FAM241A: variants seen among roughly 807,000 people sequenced by gnomAD.
FAM241A encodes family with sequence similarity 241 member A.
FAM241A carries 7 observed loss-of-function variants against 12.2 expected under a neutral mutation model. That is an observed-to-expected ratio of 0.58 (90% confidence interval 0.33 to 1.08). The LOEUF (loss-of-function observed/expected upper bound fraction) is 1.08. Ranked by LOEUF, FAM241A falls within the 50% of genes least tolerant of loss-of-function variation. The pLI is 0.04. For missense variants in FAM241A, 161 were observed against 169.7 expected (o/e 0.95, Z 0.29); for synonymous variants, 74 against 68.2 (o/e 1.08, Z -0.42).
At chr4:112,150,842 G>T (rs2110419172) in intron 1 of FAM241A, among the ~76,000 whole-genome samples, 1 of 152,274 alleles carries the variant, frequency 6.6e-6, no homozygotes, top group South Asian at 2.1e-4. Context: ...TTATTGGAAG[G>T]ATTATATGAA....
intron 1 of FAM241A, among the ~76,000 whole-genome samples, chr4:112,154,969 G>A (rs1391697591): frequency 6.6e-6 from 1 of 152,090 alleles, no homozygotes; most frequent in Non-Finnish European, 1.5e-5. Flanking sequence ...AGGAGGCAGA[G>A]GTTGCAGTGA....
chr4:112,165,377 A>G (rs1014081060), intron 1 of FAM241A, among the ~76,000 whole-genome samples: 3 of 152,218 alleles, frequency 2.0e-5, no homozygotes, highest in Non-Finnish European at 4.4e-5. Flanking sequence ...TTGAGCTTCC[A>G]TATAGCCTAG....
Position 112,189,649 on chromosome 4 carries a change from T to C in FAM241A, c.*2711T>C, listed in dbSNP as rs1040953481. ...TGTCCTCTCATACCTTAAGCTGTCA[T>C]GGGCAAGGTATTTTCCCATTCCTGG... On this transcript the variant is annotated 3_prime_UTR_variant, in exon 2 of 2. Transcript: ENST00000309733. The C allele has an allele frequency of 1.3e-5, 2 of 152,204 alleles. No individual in the cohort carries two copies. The highest frequency in any genetic ancestry group is 6.5e-5 in the Admixed American group (1 of 15,282). The allele number at this position is 152,204 out of a possible 1,614,324, so 9.4% of individuals were successfully genotyped here.
chr4:112,169,941 A>G (rs774345510), intron 1 of FAM241A, among the ~76,000 whole-genome samples: 1 of 152,182 alleles, frequency 6.6e-6, no homozygotes, highest in Non-Finnish European at 1.5e-5. Flanking sequence ...CTGACCTTTT[A>G]TAAGAAGGTA....
rs570617789 is a variant in FAM241A, at chr4:112,175,208, T to A, written c.154-11485T>A. ...ACCAAAAGTAGATATGCTAGCTATATCTGAGTACTTAAATTATGTCAATGA... is the reference window on the plus strand; with the variant it reads ...ACCAAAAGTAGATATGCTAGCTATAACTGAGTACTTAAATTATGTCAATGA... On this transcript the variant is annotated intron_variant, in intron 1 of 1. Coordinates refer to ENST00000309733, the MANE Select transcript of FAM241A (RefSeq NM_152400.3). Among the ~76,000 whole-genome samples, 264 of 152,342 alleles carry A rather than the reference T, an allele frequency of 1.7e-3. 1 individual carries two copies. The highest frequency in any genetic ancestry group is 0.01 in the Middle Eastern group (3 of 294).
intron 1 of FAM241A, among the ~76,000 whole-genome samples, chr4:112,146,125 T>G (rs2110416784): frequency 6.6e-6 from 1 of 152,258 alleles, no homozygotes; most frequent in South Asian, 2.1e-4. Context: ...TGCGCCAGGT[T>G]TAGGAGACGC....
intron 1 of FAM241A, among the ~76,000 whole-genome samples, chr4:112,148,640 G>T (rs1273803867): frequency 3.3e-5 from 5 of 152,170 alleles, no homozygotes; most frequent in Non-Finnish European, 7.3e-5. Flanking sequence ...AGAGAGATAA[G>T]CAAGGGAAAG....
rs145085123 is a variant in FAM241A at position 112,185,518 on chromosome 4, A to G, written c.154-1175A>G. ...AGTTTAAAAACCACTGCACTAAAAT[A>G]TCACCAAGACAACCACTCATAGGAC... is the stretch of plus-strand genomic sequence containing the variant. On this transcript the variant is annotated intron_variant, in intron 1 of 1. Coordinates refer to ENST00000309733, the MANE Select transcript of FAM241A (RefSeq NM_152400.3). Among the ~76,000 whole-genome samples the G allele has an allele frequency of 3.2e-3, 490 of 152,342 alleles. 3 individuals are homozygous for G. Among genetic ancestry groups the G allele is most frequent in the African/African-American group, 0.011 (439 of 41,572 alleles).
chr4:112,168,245 C>T (rs1371730426), intron 1 of FAM241A, among the ~76,000 whole-genome samples: 1 of 152,190 alleles, frequency 6.6e-6, no homozygotes, highest in East Asian at 1.9e-4. Context: ...GATTCACACA[C>T]TTTTCTTTAT....
chr4:112,174,247 A>G (rs775513016), intron 1 of FAM241A, among the ~76,000 whole-genome samples: 1 of 152,220 alleles, frequency 6.6e-6, no homozygotes, highest in Non-Finnish European at 1.5e-5. Context: ...GTTCCCTCCC[A>G]GGAGAGGTAA....
rs1452386022 is a variant in FAM241A, at chr4:112,193,784, T to C, written c.*6846T>C. 1 of 152,038 alleles carries C rather than the reference T, an allele frequency of 6.6e-6. No homozygotes were observed. 9.4% of individuals were successfully genotyped at this position (152,038 alleles called of 1,614,324 possible). ...TATAGTTTGAAGTCAGGTAGCATGATGCCTCCAGCTTTGTTCTTTTGGCTT... is the reference window on the plus strand; with the variant it reads ...TATAGTTTGAAGTCAGGTAGCATGACGCCTCCAGCTTTGTTCTTTTGGCTT... On this transcript the variant is annotated 3_prime_UTR_variant, in exon 2 of 2. Transcript: ENST00000309733.
intron 1 of FAM241A, among the ~76,000 whole-genome samples, chr4:112,177,057 G>A (rs143971971): frequency 4.2e-4 from 64 of 152,058 alleles, no homozygotes; most frequent in African/African-American, 1.4e-3. Context: ...CATTCTTGCC[G>A]AGCCTTTTTT....
rs78661424 is a variant in FAM241A at position 112,181,228 on chromosome 4, C to A, written c.154-5465C>A. ...AAGACTGGATGCTAAGTAATGTCCA[C>A]AACAGAAATACTGCTAATCCCATAA... On this transcript the variant is annotated intron_variant, in intron 1 of 1. Coordinates refer to ENST00000309733, the MANE Select transcript of FAM241A (RefSeq NM_152400.3). Among the ~76,000 whole-genome samples the A allele has an allele frequency of 3.9e-3, 599 of 151,822 alleles. 7 individuals are homozygous for A. The highest frequency in any genetic ancestry group is 0.027 in the East Asian group (138 of 5,148).
chr4:112,158,010 A>G (rs1423155789), intron 1 of FAM241A, among the ~76,000 whole-genome samples: 2 of 152,110 alleles, frequency 1.3e-5, no homozygotes, highest in Non-Finnish European at 2.9e-5. Context: ...TAGCATGCCT[A>G]TCTTTGGCAT....
In FAM241A at chr4:112,186,730, T is replaced by C; in HGVS notation, c.191T>C (p.Val64Ala). 1 of 1,613,788 alleles carries C rather than the reference T, an allele frequency of 6.2e-7. No homozygotes were observed. Among genetic ancestry groups the C allele is most frequent in the African/African-American group, 1.3e-5 (1 of 74,960 alleles). Reference sequence around the variant, plus strand: ...TCACAGAACCACACTGGTGAGCCGGTTGGAGATGACTACAAGAAAATGGGA... The same window carrying C: ...TCACAGAACCACACTGGTGAGCCGGCTGGAGATGACTACAAGAAAATGGGA... ...EDSQNHTGEPVGDDYKKMGTL... is the reference protein window; with the variant it reads ...EDSQNHTGEPAGDDYKKMGTL... Residue 64 changes from valine to alanine, a missense_variant, in exon 2 of 2, where the codon GTT (valine) becomes GCT (alanine). Transcript: ENST00000309733.
At chr4:112,145,778 C>T (rs1723123606) in intron 1 of FAM241A, 45 bp downstream of exon 1, 1 of 1,102,400 alleles carries the variant, frequency 9.1e-7, no homozygotes, top group Non-Finnish European at 1.1e-6. Context: ...GGTCGGGGGC[C>T]GCGAGCCCCG....
At chr4:112,150,030 A>AT (rs1354700118) in intron 1 of FAM241A, among the ~76,000 whole-genome samples, 16 of 151,732 alleles carry the variant, frequency 1.1e-4, no homozygotes, top group African/African-American at 3.9e-4. Context: ...ATATTAAGAA[A>AT]TTTTTTCTAA....
rs1179306134 is a variant in FAM241A, at chr4:112,193,726, T to G, written c.*6788T>G. 1.3e-5 allele frequency: 2 copies of G among 152,202 alleles called. No individual in the cohort carries two copies. The highest frequency in any genetic ancestry group is 6.5e-5 in the Admixed American group (1 of 15,280). 9.4% of individuals were successfully genotyped at this position (152,202 alleles called of 1,614,324 possible). On this transcript the variant is annotated 3_prime_UTR_variant, in exon 2 of 2. Transcript: ENST00000309733. ...ATCTATATCTCTGTTTTGGTACCAGTACCATGCTGTTTTGGTTATTGTAGC... is the reference window on the plus strand; with the variant it reads ...ATCTATATCTCTGTTTTGGTACCAGGACCATGCTGTTTTGGTTATTGTAGC...
intron 1 of FAM241A, among the ~76,000 whole-genome samples, chr4:112,170,893 A>G (rs1484425455): frequency 1.3e-5 from 2 of 151,970 alleles, no homozygotes; most frequent in African/African-American, 4.8e-5. Context: ...TAGGAAAAAA[A>G]AAAAAAAAGC....
Sources: gnomAD v4.1 joint callset for allele counts (sites outside exome capture counted in the v4.1 genomes callset) on GRCh38, gnomAD v4.1.1 for gene constraint, MANE v1.5 for transcripts, NCBI Gene and HGNC (gene_info 2026-07-23, HGNC 2026-07-21) for gene names.